The following CCSER1 variants were observed in gnomAD, a reference collection of about 807,000 sequenced individuals.
CCSER1 encodes coiled-coil serine rich protein 1.
CCSER1 carries 41 observed loss-of-function variants against 82.0 expected under a neutral mutation model. The ratio of observed to expected loss-of-function variants is 0.50; its 90% CI spans 0.39 to 0.65. CCSER1 has a LOEUF of 0.65. CCSER1 is among the 30% of genes least tolerant of loss of function. The pLI, the probability that CCSER1 is intolerant of heterozygous loss-of-function variation, is 0.00. For missense variants in CCSER1, 1,119 were observed against 1,064.2 expected (o/e 1.05, Z -0.72); for synonymous variants, 414 against 383.9 (o/e 1.08, Z -0.92).
At chr4:90,754,647 G>A (rs187208262) in intron 7 of CCSER1, among the ~76,000 whole-genome samples, 138 of 152,202 alleles carry the variant, frequency 9.1e-4, no homozygotes, top group Middle Eastern at 3.4e-3. Flanking sequence ...CACTCACCTC[G>A]GAAACAGTGT....
intron 1 of CCSER1, among the ~76,000 whole-genome samples, chr4:90,283,965 C>A (rs1729357314): frequency 6.6e-6 from 1 of 152,032 alleles, no homozygotes; most frequent in South Asian, 2.1e-4. Context: ...GTTCCCCTTT[C>A]TCCACATCCT....
At chr4:91,238,275 T>G (rs1023386114) in intron 10 of CCSER1, among the ~76,000 whole-genome samples, 1 of 152,058 alleles carries the variant, frequency 6.6e-6, no homozygotes, top group South Asian at 2.1e-4. Context: ...AGGAACCACA[T>G]AGTAAGTGCC....
rs527741867 is a variant in CCSER1, at chr4:91,334,805, G to A, written c.2217+248811G>A. Among the ~76,000 whole-genome samples, 5 of 151,980 alleles carry A rather than the reference G, an allele frequency of 3.3e-5. No individual in the cohort carries two copies. The East Asian group carries it at 9.7e-4, about 30-fold the overall frequency. ...TTCCAATTGTATGTCTATCTGTGTT[G>A]GCCATTCTATATTAAAGCCATATCT... On this transcript the variant is annotated intron_variant, in intron 10 of 10. Transcript: ENST00000509176.
At chr4:91,062,828 C>T (rs912620163) in intron 9 of CCSER1, among the ~76,000 whole-genome samples, 3 of 152,060 alleles carry the variant, frequency 2.0e-5, no homozygotes, top group African/African-American at 7.2e-5. Context: ...CTACAAATAT[C>T]ATTTCTGGTA....
At chr4:91,578,702 ATTAT>A (rs1325174125) in intron 10 of CCSER1, among the ~76,000 whole-genome samples, 1 of 151,956 alleles carries the variant, frequency 6.6e-6, no homozygotes, top group African/African-American at 2.4e-5. Flanking sequence ...ACTTTGGAAT[ATTAT>A]TTCTCCCAGT....
chr4:91,411,526 A>ATATACATGTATATATATATAT (rs70965492), intron 10 of CCSER1, among the ~76,000 whole-genome samples: 1 of 129,648 alleles, frequency 7.7e-6, no homozygotes, highest in African/African-American at 3.1e-5. Flanking sequence ...ATATATATAT[A>ATATACATGTATATATATATAT]AAATCTTGAC....
intron 8 of CCSER1, among the ~76,000 whole-genome samples, chr4:90,914,552 A>G (rs914831424): frequency 2.0e-5 from 3 of 152,158 alleles, no homozygotes; most frequent in Admixed American, 1.3e-4. Context: ...GGAAAGATCT[A>G]AAACTGACAC....
chr4:90,514,573 T>C (rs763824337), intron 5 of CCSER1, among the ~76,000 whole-genome samples: 126 of 152,064 alleles, frequency 8.3e-4, no homozygotes, highest in Non-Finnish European at 1.7e-3. Flanking sequence ...CTGGCCAACA[T>C]AGTGAAACCC....
At chr4:90,691,765 T>C (rs952861867) in intron 6 of CCSER1, among the ~76,000 whole-genome samples, 2 of 151,734 alleles carry the variant, frequency 1.3e-5, no homozygotes, top group Non-Finnish European at 2.9e-5. Context: ...AAATTGCATG[T>C]CACAGGGGTT....
rs145278616 is a variant in CCSER1 at position 90,875,618 on chromosome 4, C to T, written c.2095-47752C>T. 9.0e-3 allele frequency among the ~76,000 whole-genome samples: 1,369 copies of T among 152,176 alleles called. 5 individuals are homozygous for T. The highest frequency in any genetic ancestry group is 0.034 in the Middle Eastern group (10 of 294). ...ACAAGTCTTGCATGTCACTATAGTGCGGTTACATACAATATCAATTATTCC... is the reference window on the plus strand; with the variant it reads ...ACAAGTCTTGCATGTCACTATAGTGTGGTTACATACAATATCAATTATTCC... On this transcript the variant is annotated intron_variant, in intron 8 of 10. Coordinates refer to ENST00000509176, the MANE Select transcript of CCSER1 (RefSeq NM_001145065.2).
chr4:90,230,131 T>C (rs1202802977), intron 1 of CCSER1, among the ~76,000 whole-genome samples: 2 of 152,166 alleles, frequency 1.3e-5, no homozygotes, highest in Non-Finnish European at 2.9e-5. Context: ...CTAATAGACA[T>C]CTACAGAACT....
At chr4:91,260,448 C>G (rs1336803245) in intron 10 of CCSER1, among the ~76,000 whole-genome samples, 1 of 152,168 alleles carries the variant, frequency 6.6e-6, no homozygotes, top group African/African-American at 2.4e-5. Flanking sequence ...TCTTAACTAG[C>G]CTGTAAGGGG....
chr4:90,751,226 T>G (rs1349938251), intron 7 of CCSER1, among the ~76,000 whole-genome samples: 1 of 152,132 alleles, frequency 6.6e-6, no homozygotes, highest in Admixed American at 6.6e-5. Flanking sequence ...TGAGTTTGTT[T>G]TAAAGCTTTA....
chr4:91,011,415 A>C (rs1224949155), intron 9 of CCSER1, among the ~76,000 whole-genome samples: 1 of 134,218 alleles, frequency 7.5e-6, no homozygotes, highest in Middle Eastern at 3.6e-3. Context: ...TGGGTTCCAG[A>C]ATGCAGGTGC....
At chr4:90,995,204 A>C (rs1046831507) in intron 9 of CCSER1, among the ~76,000 whole-genome samples, 1 of 152,198 alleles carries the variant, frequency 6.6e-6, no homozygotes, top group Non-Finnish European at 1.5e-5. Context: ...TTGGAAAATC[A>C]AGGTTAGCAT....
intron 10 of CCSER1, among the ~76,000 whole-genome samples, chr4:91,306,094 T>C (rs2149246530): frequency 6.6e-6 from 1 of 151,476 alleles, no homozygotes; most frequent in African/African-American, 2.4e-5. Flanking sequence ...TGTGTGTGTG[T>C]GTATACGAAA....
chr4:90,524,650 G>A (rs1773530940), intron 5 of CCSER1, among the ~76,000 whole-genome samples: 1 of 152,036 alleles, frequency 6.6e-6, no homozygotes, highest in African/African-American at 2.4e-5. Context: ...TGTATTTTTA[G>A]TAGAGACAGG....
chr4:90,903,286 A>G (rs1279615616), intron 8 of CCSER1, among the ~76,000 whole-genome samples: 2 of 152,054 alleles, frequency 1.3e-5, no homozygotes, highest in Non-Finnish European at 2.9e-5. Context: ...GTAGTGAATA[A>G]GTTTCACAAG....
At chr4:90,749,111 G>A (rs377470817) in intron 7 of CCSER1, among the ~76,000 whole-genome samples, 23 of 151,648 alleles carry the variant, frequency 1.5e-4, no homozygotes, top group South Asian at 2.1e-4. Context: ...AAGTCCTTGC[G>A]CATGCCTATG....
Sources: gnomAD v4.1 joint callset for allele counts (sites outside exome capture counted in the v4.1 genomes callset) on GRCh38, gnomAD v4.1.1 for gene constraint, MANE v1.5 for transcripts, NCBI Gene and HGNC (gene_info 2026-07-23, HGNC 2026-07-21) for gene names.